Variants in CACNA2D3 observed in about 807,000 individuals in gnomAD.
CACNA2D3 encodes the protein calcium voltage-gated channel auxiliary subunit alpha2delta 3.
Under a neutral mutation model 160.6 loss-of-function variants are expected in CACNA2D3, and 60 were observed. The observed-to-expected ratio is 0.37, with a 90% CI of 0.30 to 0.46. CACNA2D3 has a LOEUF of 0.46. Among genes scored for constraint, CACNA2D3 ranks in the 20% least tolerant of loss-of-function variants. CACNA2D3 has a pLI of 1.00. For missense variants in CACNA2D3, 1,205 were observed against 1,365.0 expected (o/e 0.88, Z 1.85); for synonymous variants, 558 against 492.9 (o/e 1.13, Z -1.75).
chr3:54,357,655 G>T lies in CACNA2D3; in HGVS notation c.322-29060G>T, dbSNP rs117500515. On this transcript the variant is annotated intron_variant, in intron 3 of 37. Transcript: ENST00000474759. ...GACTTACTCACAATTGCCAAAACTT[G>T]GAAGCAACCAAAATATTATTTAATA... Among the ~76,000 whole-genome samples the T allele has an allele frequency of 3.5e-4, 53 of 152,230 alleles. 1 individual carries two copies. The East Asian group carries it at 9.7e-3, about 28-fold the overall frequency.
At chr3:54,276,506 G>C (rs1702741575) in intron 2 of CACNA2D3, among the ~76,000 whole-genome samples, 1 of 151,392 alleles carries the variant, frequency 6.6e-6, no homozygotes, top group African/African-American at 2.4e-5. Context: ...TTGCGAGGTG[G>C]AGGTTGCAGT....
chr3:54,581,967 G>A (rs1321567430), intron 9 of CACNA2D3, 90 bp downstream of exon 9: 3 of 1,076,526 alleles, frequency 2.8e-6, no homozygotes, highest in Non-Finnish European at 4.1e-6. Flanking sequence ...CTTATCAAAT[G>A]CACTGCCCTT....
At chr3:54,253,593 T>C (rs761045842) in intron 2 of CACNA2D3, among the ~76,000 whole-genome samples, 33 of 152,206 alleles carry the variant, frequency 2.2e-4, no homozygotes, top group Non-Finnish European at 3.5e-4. Flanking sequence ...GGGATGACAA[T>C]TGGACGTGAG....
intron 4 of CACNA2D3, among the ~76,000 whole-genome samples, chr3:54,501,781 T>G (rs1248987500): frequency 2.0e-5 from 3 of 152,184 alleles, no homozygotes; most frequent in Non-Finnish European, 2.9e-5. Flanking sequence ...TGCTTCTCTC[T>G]TAAGAACTTT....
At chr3:54,173,273 C>G (rs1028796338) in intron 2 of CACNA2D3, among the ~76,000 whole-genome samples, 2 of 152,122 alleles carry the variant, frequency 1.3e-5, no homozygotes, top group Non-Finnish European at 2.9e-5. Flanking sequence ...TTGGGTCCTC[C>G]CCTCTTTGTC....
intron 21 of CACNA2D3, among the ~76,000 whole-genome samples, chr3:54,881,074 T>A (rs896600673): frequency 6.6e-6 from 1 of 152,212 alleles, no homozygotes; most frequent in Non-Finnish European, 1.5e-5. Flanking sequence ...TTCCGATTCA[T>A]GGTTGTGATT....
intron 11 of CACNA2D3, among the ~76,000 whole-genome samples, chr3:54,675,557 G>C (rs1166796051): frequency 6.6e-6 from 1 of 152,170 alleles, no homozygotes; most frequent in Non-Finnish European, 1.5e-5. Context: ...GGCTTAGGCA[G>C]TGGGCAGGGA....
chr3:54,749,471 T>G (rs910975693), intron 11 of CACNA2D3, among the ~76,000 whole-genome samples: 1 of 152,258 alleles, frequency 6.6e-6, no homozygotes, highest in East Asian at 1.9e-4. Context: ...CTACCACTTC[T>G]GTCCTTTTTG....
At chr3:54,659,519 G>A (rs988496719) in intron 11 of CACNA2D3, among the ~76,000 whole-genome samples, 1 of 152,180 alleles carries the variant, frequency 6.6e-6, no homozygotes. Flanking sequence ...ATCTCTGGGG[G>A]TAGACAGAGA....
At chr3:54,647,537 C>G (rs1448144190) in intron 11 of CACNA2D3, among the ~76,000 whole-genome samples, 1 of 152,152 alleles carries the variant, frequency 6.6e-6, no homozygotes, top group Non-Finnish European at 1.5e-5. Context: ...TCTCATCTTC[C>G]AAGGCAACCC....
At chr3:54,552,123 T>C (rs889625169) in intron 5 of CACNA2D3, among the ~76,000 whole-genome samples, 7 of 152,220 alleles carry the variant, frequency 4.6e-5, no homozygotes, top group South Asian at 2.1e-4. Flanking sequence ...CAAGTCCAAA[T>C]GCTGATAGTG....
chr3:54,949,718 C>T (rs751274240), intron 27 of CACNA2D3, among the ~76,000 whole-genome samples: 1 of 152,166 alleles, frequency 6.6e-6, no homozygotes, highest in Non-Finnish European at 1.5e-5. Context: ...AAATTCAGAA[C>T]TGGTTTTGCA....
At chr3:54,402,266 A>T (rs1273247734) in intron 4 of CACNA2D3, among the ~76,000 whole-genome samples, 6 of 152,182 alleles carry the variant, frequency 3.9e-5, no homozygotes, top group African/African-American at 7.2e-5. Flanking sequence ...AAATGGCAGT[A>T]ATAATTCTTT....
At chr3:54,429,270 TA>T (rs5851256) in intron 4 of CACNA2D3, among the ~76,000 whole-genome samples, 42,237 of 151,656 alleles carry the variant, frequency 0.28, 6,097 homozygotes, top group Admixed American at 0.34. Flanking sequence ...TTTAATCAAC[TA>T]AAAAAAAATC....
chr3:54,247,865 GCCTAGTACCA>G (rs1702110910), intron 2 of CACNA2D3, among the ~76,000 whole-genome samples: 1 of 2,290 alleles, frequency 4.4e-4, no homozygotes, highest in African/African-American at 3.3e-3. Flanking sequence ...TATCTGCCAT[GCCTAGTACCA>G]TGCCTAGTAC....
At position 54,149,267 on chromosome 3, in the gene CACNA2D3, G is replaced by GCACACACACACACACACACACACA. The variant is rs3060363; in HGVS notation, c.204+25682_204+25705dup. Among the ~76,000 whole-genome samples, 5 of 144,438 alleles carry GCACACACACACACACACACACACA rather than the reference G, an allele frequency of 3.5e-5. 1 individual carries two copies. In the South Asian group the frequency reaches 1.1e-3, roughly 33 times the overall value. The allele number at this position is 144,438 out of a possible 152,430, so 94.8% of individuals were successfully genotyped here. A position where few individuals can be genotyped will look rare whatever the true frequency, so the allele number is the denominator to read the frequency against. ...ATCACTACAGCAAGGGGTCCCATGT[G>GCACACACACACACACACACACACA]CACACACACACACACACACACACAC... On this transcript the variant is annotated intron_variant, in intron 2 of 37. Transcript: ENST00000474759.
Position 54,320,531 on chromosome 3 carries a change from GT to G in CACNA2D3, c.297del (p.His100ThrfsTer19). The G allele has an allele frequency of 1.3e-6, 2 of 1,565,124 alleles. No individual in the cohort carries two copies. The highest frequency in any genetic ancestry group is 1.7e-6 in the Non-Finnish European group (2 of 1,154,442). ...AGCTGGCAAAGAACATGGAAGAGAT[GT>G]TTCACAAGAAGTCTGAGGCCGTCAG... Reference protein sequence around the residue: ...KKLAKNMEEMFHKKSEAVRRL... With the variant: ...KKLAKNMEEMXHKKSEAVRRL... On this transcript the variant is annotated frameshift_variant, in exon 3 of 38. Transcript: ENST00000474759. LOFTEE classifies it high-confidence loss of function.
At chr3:54,461,974 G>A (rs185127379) in intron 4 of CACNA2D3, among the ~76,000 whole-genome samples, 3 of 152,222 alleles carry the variant, frequency 2.0e-5, no homozygotes, top group Admixed American at 2.0e-4. Context: ...CTGGTATGTT[G>A]TGTCTTTGTT....
rs557294291 is a variant in CACNA2D3 at position 54,662,165 on chromosome 3, T to G, written c.1167+19924T>G. On this transcript the variant is annotated intron_variant, in intron 11 of 37. Transcript: ENST00000474759. Reference sequence around the variant, plus strand: ...TGCCTGATAGGAAGTTCCTTCTGTGTGTGCGTTTGTGTGTATGTGTGTGTG... The same window carrying G: ...TGCCTGATAGGAAGTTCCTTCTGTGGGTGCGTTTGTGTGTATGTGTGTGTG... Among the ~76,000 whole-genome samples, 3 of 152,176 alleles carry G rather than the reference T, an allele frequency of 2.0e-5. No individual in the cohort carries two copies. In the South Asian group the frequency reaches 6.2e-4, roughly 32 times the overall value.
Sources: gnomAD v4.1 joint callset for allele counts (sites outside exome capture counted in the v4.1 genomes callset) on GRCh38, gnomAD v4.1.1 for gene constraint, MANE v1.5 for transcripts, NCBI Gene and HGNC (gene_info 2026-07-23, HGNC 2026-07-21) for gene names.